The following SORBS2 variants were observed in gnomAD, a reference collection of about 807,000 sequenced individuals.
The protein encoded by SORBS2 is sorbin and SH3 domain containing 2.
Under a neutral mutation model 97.7 loss-of-function variants are expected in SORBS2, and 46 were observed. The observed-to-expected ratio is 0.47, with a 90% CI of 0.37 to 0.60. The LOEUF (loss-of-function observed/expected upper bound fraction) is 0.60, where lower values mean the gene tolerates loss of function less well. Among genes scored for constraint, SORBS2 ranks in the 20% least tolerant of loss-of-function variants. SORBS2 has a pLI of 0.00. For missense variants in SORBS2, 1,316 were observed against 1,282.3 expected (o/e 1.03, Z -0.40); for synonymous variants, 476 against 473.4 (o/e 1.01, Z -0.07).
intron 4 of SORBS2, chr4:185,677,453 T>A: frequency 1.3e-6 from 2 of 1,552,158 alleles, no homozygotes; most frequent in Non-Finnish European, 8.7e-7. Context: ...CTTCAGAATA[T>A]ACAATTGTCT....
At chr4:185,741,672 CT>C (rs1401650128) in intron 2 of SORBS2, among the ~76,000 whole-genome samples, 4 of 152,108 alleles carry the variant, frequency 2.6e-5, no homozygotes, top group African/African-American at 9.7e-5. Flanking sequence ...CCTGTCCTCA[CT>C]TTTTATCACA....
exon 3 of SORBS2, chr4:185,649,499 C>T (rs764812403): frequency 1.9e-5 from 30 of 1,590,530 alleles, no homozygotes; most frequent in African/African-American, 1.1e-4. Context: ...TTGGTCGAAG[C>T]GGCGGGACTG....
At chr4:185,900,178 T>C (rs917051812) in intron 1 of SORBS2, among the ~76,000 whole-genome samples, 1 of 152,048 alleles carries the variant, frequency 6.6e-6, no homozygotes, top group African/African-American at 2.4e-5. Context: ...TAAAAGAAAT[T>C]TAGAGGCAGA....
chr4:185,605,731 C>T (rs1323100747), intron 12 of SORBS2, among the ~76,000 whole-genome samples: 4 of 152,168 alleles, frequency 2.6e-5, no homozygotes, highest in Admixed American at 6.5e-5. Context: ...ATTGTAGGCA[C>T]CCACCACCAC....
At chr4:185,862,438 G>A (rs1174264557) in intron 1 of SORBS2, among the ~76,000 whole-genome samples, 2 of 152,244 alleles carry the variant, frequency 1.3e-5, no homozygotes, top group Non-Finnish European at 2.9e-5. Context: ...AGTAAGGACT[G>A]TGAACTGGTG....
intron 2 of SORBS2, 51 bp downstream of exon 10, chr4:185,652,611 A>G (rs2097333254): frequency 2.2e-6 from 3 of 1,364,252 alleles, no homozygotes; most frequent in Non-Finnish European, 3.1e-6. Flanking sequence ...AGACGAATGT[A>G]GTCCCTTCAA....
chr4:185,834,269 C>T (rs190542706), intron 1 of SORBS2, among the ~76,000 whole-genome samples: 36 of 152,020 alleles, frequency 2.4e-4, no homozygotes, highest in East Asian at 5.8e-4. Flanking sequence ...CCATAGAATC[C>T]GCCCCCGTGA....
In SORBS2 at chr4:185,615,058, A is replaced by T. The variant is rs1195313383; in HGVS notation, c.2453T>A (p.Ile818Asn). The T allele has an allele frequency of 1.9e-6, 3 of 1,613,598 alleles. No individual in the cohort carries two copies. The African/African-American group carries it at 4.0e-5, about 22-fold the overall frequency. Residue 818 changes from isoleucine (I) to asparagine (N), a missense_variant, in exon 10 of 15, where the codon ATC becomes AAC. By Grantham distance (149) the Ile-to-Asn change is moderately radical. Transcript: ENST00000418609. ...GAGAGGACCTACCTCTACGTATGAG[A>T]TCGGGAAGATGCCCACTCTCCCGTG... is the stretch of plus-strand genomic sequence containing the variant.
intron 1 of SORBS2, among the ~76,000 whole-genome samples, chr4:185,893,397 C>G (rs2149808304): frequency 1.3e-5 from 2 of 152,322 alleles, no homozygotes; most frequent in Middle Eastern, 3.4e-3. Context: ...TGGGCTGGAG[C>G]CCACCCACTA....
At chr4:185,841,589 T>C (rs984027854) in intron 1 of SORBS2, among the ~76,000 whole-genome samples, 1 of 152,160 alleles carries the variant, frequency 6.6e-6, no homozygotes, top group Admixed American at 6.5e-5. Context: ...GGAAACTTAT[T>C]ATTTTGCAGC....
chr4:185,612,115 G>A, intron 11 of SORBS2, 135 bp from the exon 24 acceptor site: 2 of 640,660 alleles, frequency 3.1e-6, no homozygotes, highest in Non-Finnish European at 5.4e-6. Context: ...TTAATCAGGG[G>A]AGGGCAAGTA....
At chr4:185,805,378 G>A (rs1208102245) in intron 1 of SORBS2, among the ~76,000 whole-genome samples, 1 of 152,034 alleles carries the variant, frequency 6.6e-6, no homozygotes, top group Admixed American at 6.6e-5. Flanking sequence ...TCATGTGTTG[G>A]CATTAGCACA....
At chr4:185,670,814 T>G (rs1412340811) in intron 4 of SORBS2, among the ~76,000 whole-genome samples, 1 of 152,148 alleles carries the variant, frequency 6.6e-6, no homozygotes, top group East Asian at 1.9e-4. Context: ...TGTTGCCGGA[T>G]CATCATTTTG....
rs1427465309 is a variant in SORBS2, at chr4:185,706,967, AACACGTATGT to A, written c.-197-28155_-197-28146del. Among the ~76,000 whole-genome samples, 7 of 152,250 alleles carry A rather than the reference AACACGTATGT, an allele frequency of 4.6e-5. No individual in the cohort carries two copies. The South Asian group carries it at 6.2e-4, about 14-fold the overall frequency. ...TGCTATATTGGAGAGTTCTGTCATA[AACACGTATGT>A]ACATGTTTCTTAATGCTTTTCTTGT... is the stretch of plus-strand genomic sequence containing the variant. On this transcript the variant is annotated intron_variant, in intron 2 of 20. Transcript: ENST00000284776.
At position 185,607,287 on chromosome 4, in the gene SORBS2, T is replaced by C; in HGVS notation, c.2796+4493A>G. 1 of 1,280,210 alleles carries C rather than the reference T, an allele frequency of 7.8e-7. No individual in the cohort carries two copies. Among genetic ancestry groups the C allele is most frequent in the African/African-American group, 1.5e-5 (1 of 64,942 alleles). 79.3% of individuals were successfully genotyped at this position (1,280,210 alleles called of 1,614,324 possible). A position where few individuals can be genotyped will look rare whatever the true frequency, so the allele number is the denominator to read the frequency against. On this transcript the variant is annotated intron_variant, in intron 12 of 14. Transcript: ENST00000418609. This position sits in a 1 kb window ranked among gnomAD's most constrained non-coding sequence, Gnocchi z 5.2. ...AGCCCTGGCCAGTTCCCTGGAGAGC[T>C]CCTTTATCTGAGCCAGGTGAGACTT... is the stretch of plus-strand genomic sequence containing the variant.
chr4:185,763,505 C>T (rs528347594), intron 2 of SORBS2, among the ~76,000 whole-genome samples: 1 of 152,274 alleles, frequency 6.6e-6, no homozygotes, highest in East Asian at 1.9e-4. Flanking sequence ...TCAATACAAA[C>T]TGCATCTTTG....
chr4:185,806,509 G>T (rs11132352), intron 1 of SORBS2, among the ~76,000 whole-genome samples: 32 of 131,106 alleles, frequency 2.4e-4, no homozygotes, highest in African/African-American at 8.0e-4. Flanking sequence ...CCAGGCTGGA[G>T]TGCAGTGGCG....
At chr4:185,756,878 T>G (rs1233227810) in intron 2 of SORBS2, among the ~76,000 whole-genome samples, 1 of 152,178 alleles carries the variant, frequency 6.6e-6, no homozygotes, top group Non-Finnish European at 1.5e-5. Flanking sequence ...GTGGCAAGTC[T>G]TTCACATTTG....
chr4:185,923,859 T>C (rs1389385919), intron 1 of SORBS2, among the ~76,000 whole-genome samples: 2 of 152,116 alleles, frequency 1.3e-5, no homozygotes, highest in African/African-American at 4.8e-5. Flanking sequence ...AGAAGAAAAA[T>C]ATGTCTCTTA....
Sources: gnomAD v4.1 joint callset for allele counts (sites outside exome capture counted in the v4.1 genomes callset) on GRCh38, gnomAD v4.1.1 for gene constraint, Gnocchi (gnomAD v3.1) non-coding constraint, MANE v1.5 for transcripts, NCBI Gene and HGNC (gene_info 2026-07-23, HGNC 2026-07-21) for gene names.